TTLL12: variants seen among roughly 807,000 people sequenced by gnomAD.
TTLL12 encodes the protein tubulin--tyrosine ligase-like protein 12.
In TTLL12, 77 loss-of-function variants were observed where a neutral mutation model predicts 79.6. That is an observed-to-expected ratio of 0.97 (90% confidence interval 0.81 to 1.17). The LOEUF (loss-of-function observed/expected upper bound fraction) is 1.17, where lower values mean the gene tolerates loss of function less well. TTLL12 is among the 50% of genes most tolerant of loss of function. The pLI is 0.00. For synonymous variants in TTLL12, 437 were observed against 376.1 expected, an observed-to-expected ratio of 1.16 and a Z score of -1.87; for missense variants, 969 against 895.9, an observed-to-expected ratio of 1.08 and a Z score of -1.04.
At chr22:43,185,268 TA>T (rs1932153189) in intron 1 of TTLL12, among the ~76,000 whole-genome samples, 1 of 26,080 alleles carries the variant, frequency 3.8e-5, no homozygotes, top group Non-Finnish European at 9.4e-5. Context: ...TATATATATA[TA>T]TATATATATA....
chr22:43,171,930 G>A (rs138936), intron 10 of TTLL12, 30 bp from the exon 11 acceptor site: 48,145 of 1,601,998 alleles, frequency 0.03, 859 homozygotes, highest in Non-Finnish European at 0.035. Context: ...ACACATATGG[G>A]TTCTTGAGCG....
At chr22:43,178,287 A>G (rs1931965086) in intron 5 of TTLL12, among the ~76,000 whole-genome samples, 1 of 120,778 alleles carries the variant, frequency 8.3e-6, no homozygotes, top group Admixed American at 9.2e-5. Context: ...AGCAGCGCCC[A>G]CACAAACACG....
chr22:43,169,857 T>C (rs1282087183), intron 11 of TTLL12: 1 of 510,422 alleles, frequency 2.0e-6, no homozygotes, highest in Non-Finnish European at 3.8e-6. Context: ...CACGCAGCTG[T>C]GAGGCTCACG....
At chr22:43,176,538 T>TG in intron 5 of TTLL12, 142 bp from the exon 6 acceptor site, 1 of 679,348 alleles carries the variant, frequency 1.5e-6, no homozygotes, top group Non-Finnish European at 2.7e-6. Flanking sequence ...GAGACCAGCC[T>TG]GGCCAACATG....
chr22:43,169,896 A>C, intron 11 of TTLL12: 1 of 473,466 alleles, frequency 2.1e-6, no homozygotes, highest in Non-Finnish European at 4.2e-6. Flanking sequence ...GGGCTCCAGA[A>C]ACTGCAGGGC....
intron 5 of TTLL12, among the ~76,000 whole-genome samples, chr22:43,177,009 A>C (rs1601772203): frequency 6.6e-6 from 1 of 152,152 alleles, no homozygotes; most frequent in Admixed American, 6.5e-5. Flanking sequence ...ACCCCTCCTG[A>C]GAGGAGCCGC....
intron 2 of TTLL12, 76 bp from the exon 3 acceptor site, chr22:43,181,016 G>C (rs1932043583): frequency 8.8e-6 from 13 of 1,478,762 alleles, no homozygotes; most frequent in Non-Finnish European, 1.2e-5. Flanking sequence ...AAGAGGCCCA[G>C]GGCTGTGTTG....
intron 1 of TTLL12, chr22:43,185,962 T>A (rs940727683): frequency 8.1e-6 from 8 of 985,284 alleles, no homozygotes; most frequent in Non-Finnish European, 9.6e-6. Flanking sequence ...TGCCACTCAC[T>A]GCACGTTTCC....
At chr22:43,176,591 A>G (rs1467198058) in intron 5 of TTLL12, among the ~76,000 whole-genome samples, 195 bp from the exon 6 acceptor site, 4 of 151,998 alleles carry the variant, frequency 2.6e-5, no homozygotes, top group Non-Finnish European at 5.9e-5. Flanking sequence ...TTAGCCAGGC[A>G]TGGTGGCGCG....
intron 11 of TTLL12, 110 bp downstream of exon 11, chr22:43,171,709 C>T (rs1410920638): frequency 2.4e-6 from 2 of 836,612 alleles, no homozygotes; most frequent in African/African-American, 3.4e-5. Context: ...GGAGGCGGCT[C>T]CTGGGACTGG....
chr22:43,172,044 G>A, intron 10 of TTLL12, 144 bp from the exon 11 acceptor site: 1 of 725,060 alleles, frequency 1.4e-6, no homozygotes, highest in Non-Finnish European at 2.4e-6. Context: ...CTGTTCCCTT[G>A]TCTGTGTGGC....
chr22:43,181,034 G>C (rs1932044605), intron 2 of TTLL12, 94 bp from the exon 3 acceptor site: 6 of 1,385,172 alleles, frequency 4.3e-6, no homozygotes, highest in Non-Finnish European at 5.8e-6. Flanking sequence ...TTGGGACCAG[G>C]GCCCAAGCTT....
At chr22:43,186,070 C>G (rs562402867) in intron 1 of TTLL12, 1 of 962,210 alleles carries the variant, frequency 1.0e-6, no homozygotes, top group Non-Finnish European at 1.2e-6. Context: ...ACTCCTAGTT[C>G]CCGGCCCGGG....
At chr22:43,171,725 G>T in intron 11 of TTLL12, 94 bp downstream of exon 11, 2 of 1,041,780 alleles carry the variant, frequency 1.9e-6, no homozygotes, top group Non-Finnish European at 2.9e-6. Flanking sequence ...ACTGGCCTGT[G>T]TGCCAGTCCT....
intron 11 of TTLL12, 160 bp downstream of exon 11, chr22:43,171,659 G>C: frequency 3.3e-6 from 2 of 598,264 alleles, no homozygotes; most frequent in East Asian, 5.6e-5. Flanking sequence ...CCTGGCTCAT[G>C]ATGGCAGCGC....
At chr22:43,173,579 C>T in intron 9 of TTLL12, 136 bp downstream of exon 9, 4 of 738,070 alleles carry the variant, frequency 5.4e-6, no homozygotes, top group Middle Eastern at 2.5e-4. Context: ...TCCCAGAGTG[C>T]TGAGATTACA....
At chr22:43,173,667 G>A in intron 9 of TTLL12, 48 bp downstream of exon 9, 2 of 1,564,722 alleles carry the variant, frequency 1.3e-6, no homozygotes, top group South Asian at 1.1e-5. Context: ...ACCTCTCACT[G>A]TCCAGCCAGG....
chr22:43,174,235 G>A lies in TTLL12; in HGVS notation c.1203C>T (p.Val401=), dbSNP rs1315958584. ...FNLRTELPQF[V]SYFQQRERWG... The stretch of plus-strand genomic sequence containing the variant: ...ACCTTTCCCGCTGCTGGAAGTAGCT[G>A]ACAAACTGGGGCAGCTCAGTGCGCA... Residue 401 remains valine (V), a synonymous_variant, in exon 8 of 14, where the codon GTC becomes GTT. Coordinates refer to ENST00000216129, the MANE Select transcript of TTLL12 (RefSeq NM_015140.4). 1 of 1,606,108 alleles carries A rather than the reference G, an allele frequency of 6.2e-7. No individual in the cohort carries two copies. Among genetic ancestry groups the A allele is most frequent in the South Asian group, 1.1e-5 (1 of 91,068 alleles).
intron 6 of TTLL12, 64 bp from the exon 7 acceptor site, chr22:43,174,679 A>G (rs1210676810): frequency 3.3e-6 from 4 of 1,220,616 alleles, no homozygotes; most frequent in Non-Finnish European, 4.6e-6. Flanking sequence ...CTCCAGCACT[A>G]GCCCTGGCTC....
Sources: gnomAD v4.1 joint callset for allele counts (sites outside exome capture counted in the v4.1 genomes callset) on GRCh38, gnomAD v4.1.1 for gene constraint, MANE v1.5 for transcripts, NCBI Gene and HGNC (gene_info 2026-07-23, HGNC 2026-07-21) for gene names.